Variants in NCKAP5 observed in about 807,000 individuals in gnomAD.
NCKAP5 encodes the protein NCK associated protein 5.
In NCKAP5, 92 loss-of-function variants were observed where a neutral mutation model predicts 167.0. That is an observed-to-expected ratio of 0.55 (90% CI 0.47 to 0.66). The LOEUF (loss-of-function observed/expected upper bound fraction) is 0.66, where lower values mean the gene tolerates loss of function less well. NCKAP5 is among the 30% of genes least tolerant of loss of function. The pLI is 0.00. For synonymous variants in NCKAP5, 891 were observed against 877.4 expected (o/e 1.02, Z -0.27); for missense variants, 2,378 against 2,315.0 (o/e 1.03, Z -0.56).
intron 8 of NCKAP5, among the ~76,000 whole-genome samples, chr2:132,907,336 T>C (rs6756307): frequency 0.11 from 16,623 of 152,244 alleles, 1,117 homozygotes; most frequent in Middle Eastern, 0.18. Flanking sequence ...CACACCTGGC[T>C]CTAACTTGGG....
intron 19 of NCKAP5, among the ~76,000 whole-genome samples, chr2:132,679,695 C>T (rs563537388): frequency 2.6e-5 from 4 of 152,252 alleles, no homozygotes; most frequent in Admixed American, 6.5e-5. Flanking sequence ...GTCTAAGAGA[C>T]GGTCTGTTTA....
At chr2:133,331,429 G>A (rs1354528994) in intron 3 of NCKAP5, among the ~76,000 whole-genome samples, 1 of 152,088 alleles carries the variant, frequency 6.6e-6, no homozygotes, top group Non-Finnish European at 1.5e-5. Flanking sequence ...GAGCTTAATG[G>A]CACCTGCAAA....
chr2:133,132,421 T>C (rs2082635387), intron 5 of NCKAP5, among the ~76,000 whole-genome samples: 1 of 151,312 alleles, frequency 6.6e-6, no homozygotes, highest in Non-Finnish European at 1.5e-5. Flanking sequence ...GAGAACCTTT[T>C]CCACATGAAT....
At chr2:132,912,576 T>C (rs1694542344) in intron 8 of NCKAP5, among the ~76,000 whole-genome samples, 1 of 152,196 alleles carries the variant, frequency 6.6e-6, no homozygotes, top group Non-Finnish European at 1.5e-5. Flanking sequence ...TTGATGCTGA[T>C]TTGCTTCTTT....
At chr2:132,905,766 T>TTA (rs1432100686) in intron 8 of NCKAP5, among the ~76,000 whole-genome samples, 3 of 152,214 alleles carry the variant, frequency 2.0e-5, no homozygotes, top group Non-Finnish European at 2.9e-5. Flanking sequence ...AAACTACTGA[T>TTA]TTTTATATAC....
chr2:133,589,900 A>G, the NCKAP5 span, among the ~76,000 whole-genome samples: 2 of 152,244 alleles, frequency 1.3e-5, no homozygotes, highest in Admixed American at 1.3e-4. Flanking sequence ...TCCACAGCTA[A>G]GGCAAAGTTG....
At chr2:133,393,700 C>T (rs1048558192) in intron 3 of NCKAP5, among the ~76,000 whole-genome samples, 2 of 152,176 alleles carry the variant, frequency 1.3e-5, no homozygotes, top group African/African-American at 4.8e-5. Context: ...ACCTCCAGAA[C>T]AAATAAAAAT....
chr2:132,820,124 T>G (rs1686594159), intron 11 of NCKAP5, among the ~76,000 whole-genome samples: 1 of 152,212 alleles, frequency 6.6e-6, no homozygotes, highest in South Asian at 2.1e-4. Flanking sequence ...AATCAGAGGA[T>G]GAAAGCTTTA....
At chr2:133,413,632 A>G (rs909722477) in intron 3 of NCKAP5, among the ~76,000 whole-genome samples, 6 of 152,154 alleles carry the variant, frequency 3.9e-5, no homozygotes, top group South Asian at 2.1e-4. Flanking sequence ...GCTAAACTTT[A>G]TAAATCAGAA....
At chr2:132,973,275 G>A (rs1386109674) in intron 7 of NCKAP5, among the ~76,000 whole-genome samples, 2 of 152,172 alleles carry the variant, frequency 1.3e-5, no homozygotes, top group African/African-American at 2.4e-5. Context: ...TCATTTGACA[G>A]TCAACCTTCT....
intron 6 of NCKAP5, among the ~76,000 whole-genome samples, chr2:133,073,170 A>T (rs1401118440): frequency 2.6e-5 from 4 of 152,224 alleles, no homozygotes; most frequent in Admixed American, 6.5e-5. Context: ...AGGAAATCCA[A>T]TACTTTTTGG....
At chr2:133,485,491 T>G (rs1575042887) in intron 3 of NCKAP5, among the ~76,000 whole-genome samples, 1 of 152,160 alleles carries the variant, frequency 6.6e-6, no homozygotes, top group Non-Finnish European at 1.5e-5. Context: ...CCAAGAAAAC[T>G]AATAGGGTCT....
At chr2:133,539,223 A>C (rs1187603338) in intron 2 of NCKAP5, among the ~76,000 whole-genome samples, 3 of 151,986 alleles carry the variant, frequency 2.0e-5, no homozygotes, top group Admixed American at 1.3e-4. Context: ...TACAGGCGTG[A>C]GCCTCCATGC....
intron 3 of NCKAP5, among the ~76,000 whole-genome samples, chr2:133,383,862 T>C (rs1559436733): frequency 6.6e-6 from 1 of 152,250 alleles, no homozygotes; most frequent in Non-Finnish European, 1.5e-5. Context: ...ATAAATGTCT[T>C]CTTTTGAGAA....
intron 16 of NCKAP5, among the ~76,000 whole-genome samples, chr2:132,766,973 C>T (rs904513766): frequency 3.3e-5 from 5 of 152,312 alleles, no homozygotes; most frequent in East Asian, 1.9e-4. Flanking sequence ...ATAAGAACAA[C>T]GTCTGTGTTA....
chr2:133,276,929 A>T (rs2089753400), intron 4 of NCKAP5, among the ~76,000 whole-genome samples: 1 of 152,180 alleles, frequency 6.6e-6, no homozygotes, highest in African/African-American at 2.4e-5. Context: ...TCTAAAGGAA[A>T]AAAATTACAA....
chr2:132,700,101 T>C (rs1428830725), intron 19 of NCKAP5, among the ~76,000 whole-genome samples: 1 of 150,072 alleles, frequency 6.7e-6, no homozygotes, highest in Non-Finnish European at 1.5e-5. Flanking sequence ...CATTTTTTCA[T>C]GTGTCTGTTG....
intron 2 of NCKAP5, among the ~76,000 whole-genome samples, chr2:133,542,274 T>A (rs1481913143): frequency 6.6e-6 from 1 of 152,212 alleles, no homozygotes; most frequent in Non-Finnish European, 1.5e-5. Flanking sequence ...GTACTAAGTA[T>A]AATTTAATGT....
intron 4 of NCKAP5, among the ~76,000 whole-genome samples, chr2:133,258,960 G>A (rs2088771317): frequency 6.6e-6 from 1 of 152,080 alleles, no homozygotes. Context: ...CAGAAAGAGG[G>A]GTCTTGGGAA....
Sources: gnomAD v4.1 joint callset for allele counts (sites outside exome capture counted in the v4.1 genomes callset) on GRCh38, gnomAD v4.1.1 for gene constraint, MANE v1.5 for transcripts, NCBI Gene and HGNC (gene_info 2026-07-23, HGNC 2026-07-21) for gene names.